ZNF224: variants seen among roughly 807,000 people sequenced by gnomAD.
The protein encoded by ZNF224 is zinc finger protein 224.
In ZNF224, 8 loss-of-function variants were observed where a neutral mutation model predicts 10.5. The ratio of observed to expected loss-of-function variants is 0.76; its 90% confidence interval spans 0.45 to 1.37. ZNF224 has a LOEUF of 1.37. Ranked by LOEUF, ZNF224 falls within the 40% of genes most tolerant of loss-of-function variation. The probability of loss-of-function intolerance (pLI) is 0.00; values close to 1 mark genes in which losing one functional copy is unlikely to be tolerated. For missense variants in ZNF224, 754 were observed against 854.0 expected (o/e 0.88, Z 1.46); for synonymous variants, 282 against 287.8 (o/e 0.98, Z 0.20).
At position 44,100,786 on chromosome 19, in the gene ZNF224, T is replaced by A. The variant is rs1246226895; in HGVS notation, c.16-15T>A. On this transcript the variant is annotated splice_polypyrimidine_tract_variant and intron_variant, in intron 3 of 5. Coordinates refer to ENST00000693561, the MANE Select transcript of ZNF224 (RefSeq NM_001321645.3). ...TTGGTCATGAGACTGAGATTGCATA[T>A]GTTTGATGCTATAGGAGGCAATGAC... 9 of 1,611,400 alleles carry A rather than the reference T, an allele frequency of 5.6e-6. No individual in the cohort carries two copies. Among genetic ancestry groups the A allele is most frequent in the Non-Finnish European group, 7.6e-6 (9 of 1,178,678 alleles).
rs72480796 is a variant in ZNF224 at position 44,106,690 on chromosome 19, C to A, written c.530C>A (p.Thr177Lys). The A allele has an allele frequency of 6.2e-7, 1 of 1,601,874 alleles. No individual in the cohort carries two copies. The highest frequency in any genetic ancestry group is 1.1e-5 in the South Asian group (1 of 88,704). The change falls in exon 6 of 6, where the codon ACG becomes AAG. Residue 177 changes from threonine to lysine, a missense_variant. Physicochemically the swap from Thr to Lys is moderately conservative, Grantham distance 78. Coordinates refer to ENST00000693561, the MANE Select transcript of ZNF224 (RefSeq NM_001321645.3). ...TTACACTCAGGAGAGAAATCTCATA[C>A]GTGTGATGAGTGTGGAAAGAACTTT... ...QQLHSGEKSH[T>K]CDECGKNFCY...
intron 2 of ZNF224, 50 bp from the exon 3 acceptor site, chr19:44,097,756 C>G: frequency 8.8e-7 from 1 of 1,133,054 alleles, no homozygotes; most frequent in Non-Finnish European, 1.3e-6. Context: ...GGGTGGCATC[C>G]CTGGCCACCT....
intron 1 of ZNF224, chr19:44,095,123 G>T: frequency 8.4e-6 from 2 of 238,656 alleles, no homozygotes; most frequent in South Asian, 7.2e-5. Context: ...AGAGCTGCAG[G>T]GAGGGACTTC....
At chr19:44,098,700 C>G (rs1239363583) in intron 3 of ZNF224, among the ~76,000 whole-genome samples, 1 of 152,074 alleles carries the variant, frequency 6.6e-6, no homozygotes, top group Admixed American at 6.5e-5. Flanking sequence ...TCTCCTGTCT[C>G]AGCCTCCTGA....
Position 44,097,897 on chromosome 19 carries a change from G to A in ZNF224, c.15+9G>A. ...AAATGACCACGTTCAAGGTGGGTAG[G>A]ACTTGCTTCTATTACTCTTAAAATT... is the stretch of plus-strand genomic sequence containing the variant. On this transcript the variant is annotated intron_variant, in intron 3 of 5. Coordinates refer to ENST00000693561, the MANE Select transcript of ZNF224 (RefSeq NM_001321645.3). 1 of 1,613,910 alleles carries A rather than the reference G, an allele frequency of 6.2e-7. No homozygotes were observed. The highest frequency in any genetic ancestry group is 8.5e-7 in the Non-Finnish European group (1 of 1,179,926).
At chr19:44,100,332 A>G (rs1006497860) in intron 3 of ZNF224, among the ~76,000 whole-genome samples, 3 of 152,332 alleles carry the variant, frequency 2.0e-5, no homozygotes, top group South Asian at 4.1e-4. Flanking sequence ...GACTCACTGC[A>G]TAACTACTCA....
chr19:44,094,443 C>T lies in ZNF224; in HGVS notation c.-245C>T, dbSNP rs531310556. ...TTGGGGCAGTTCCGCGCGTTGCAGGCCCTTCTGAATTTCCTGGACCTACGC... is the reference window on the plus strand; with the variant it reads ...TTGGGGCAGTTCCGCGCGTTGCAGGTCCTTCTGAATTTCCTGGACCTACGC... On this transcript the variant is annotated 5_prime_UTR_variant, in exon 1 of 6. Transcript: ENST00000693561. The T allele has an allele frequency of 1.1e-3, 166 of 152,334 alleles. No homozygotes were observed. Among genetic ancestry groups the T allele is most frequent in the Non-Finnish European group, 1.5e-3 (100 of 68,092 alleles). The allele number at this position is 152,334 out of a possible 1,614,324, so 9.4% of individuals were successfully genotyped here. A position where few individuals can be genotyped will look rare whatever the true frequency, so the allele number is the denominator to read the frequency against.
chr19:44,106,306 G>A (rs2147533010), intron 5 of ZNF224, 90 bp from the exon 6 acceptor site: 1 of 1,381,058 alleles, frequency 7.2e-7, no homozygotes. Context: ...CTATACTCAT[G>A]AGAGTTTCCT....
chr19:44,105,681 C>T (rs183725725), intron 5 of ZNF224: 1 of 152,336 alleles, frequency 6.6e-6, no homozygotes, highest in Non-Finnish European at 1.5e-5. Flanking sequence ...CCACCCTCCC[C>T]ATTTTGAGTC....
rs147406077 is a variant in ZNF224, at chr19:44,102,234, T to C, written c.235+1009T>C. 3.9e-3 allele frequency among the ~76,000 whole-genome samples: 588 copies of C among 152,320 alleles called. 2 individuals carry two copies. Among genetic ancestry groups the C allele is most frequent in the African/African-American group, 0.013 (551 of 41,572 alleles). On this transcript the variant is annotated intron_variant, in intron 5 of 5. Transcript: ENST00000693561. ...TTCAGTTATTCAAGTTTCTTTTCAG[T>C]TTTAAAGTCATGAGAGAAGCCATCC...
chr19:44,105,289 C>G (rs1967632713), intron 5 of ZNF224: 1 of 152,210 alleles, frequency 6.6e-6, no homozygotes, highest in Non-Finnish European at 1.5e-5. Context: ...AGGTTAATAT[C>G]TTTACTTTGT....
rs1239774430 is a variant in ZNF224 at position 44,108,011 on chromosome 19, C to A, written c.1851C>A (p.Arg617=). 1 of 1,614,180 alleles carries A rather than the reference C, an allele frequency of 6.2e-7. No individual in the cohort carries two copies. Among genetic ancestry groups the A allele is most frequent in the South Asian group, 1.1e-5 (1 of 91,084 alleles). The change falls in exon 6 of 6, where the codon CGC becomes CGA. Residue 617 remains arginine, a synonymous_variant. Transcript: ENST00000693561. ...WSSTRLTHQR[R]HSRETPLKCE... ...CAACTCGTCTGACCCATCAGAGACG[C>A]CACAGCAGAGAAACACCTCTCAAAT...
chr19:44,104,233 T>C (rs1333041714), intron 5 of ZNF224, among the ~76,000 whole-genome samples: 1 of 141,258 alleles, frequency 7.1e-6, no homozygotes, highest in African/African-American at 2.6e-5. Flanking sequence ...AAAATAAAAT[T>C]AAAGATACAT....
At chr19:44,103,598 T>C (rs1446320239) in intron 5 of ZNF224, among the ~76,000 whole-genome samples, 4 of 152,230 alleles carry the variant, frequency 2.6e-5, no homozygotes, top group Non-Finnish European at 5.9e-5. Context: ...TTTAAATTTA[T>C]TTTATAGCTC....
Position 44,106,407 on chromosome 19 carries a change from C to G in ZNF224, c.247C>G (p.Gln83Glu). The stretch of plus-strand genomic sequence containing the variant: ...CTGTATTCTGATAGGAGACAAGATC[C>G]AAACTGAGATGGAGACTGTTTCAGA... ...QREGNSGDKIQTEMETVSEAG... is the reference protein window; with the variant it reads ...QREGNSGDKIETEMETVSEAG... The change falls in exon 6 of 6, where the codon CAA (glutamine) becomes GAA (glutamate). Residue 83 changes from glutamine to glutamate, a missense_variant. Transcript: ENST00000693561. 1 of 1,614,068 alleles carries G rather than the reference C, an allele frequency of 6.2e-7. No homozygotes were observed. The highest frequency in any genetic ancestry group is 8.5e-7 in the Non-Finnish European group (1 of 1,180,008).
Position 44,106,476 on chromosome 19 carries a change from A to C in ZNF224, c.316A>C (p.Lys106Gln), listed in dbSNP as rs200433506. ...QEWSFQQIWE[K>Q]IASDLTRSQD... is the part of the protein sequence containing the mutation. ...GTGGTCCTTCCAGCAAATCTGGGAAAAAATTGCAAGTGATTTAACCAGGTC... is the reference window on the plus strand; with the variant it reads ...GTGGTCCTTCCAGCAAATCTGGGAACAAATTGCAAGTGATTTAACCAGGTC... The change falls in exon 6 of 6, where the codon AAA becomes CAA. Residue 106 changes from lysine to glutamine, a missense_variant. Physicochemically the swap from Lys to Gln is moderately conservative, Grantham distance 53. Coordinates refer to ENST00000693561, the MANE Select transcript of ZNF224 (RefSeq NM_001321645.3). 22 of 1,614,086 alleles carry C rather than the reference A, an allele frequency of 1.4e-5. No individual in the cohort carries two copies. Among genetic ancestry groups the C allele is most frequent in the Middle Eastern group, 1.6e-4 (1 of 6,084 alleles).
chr19:44,105,338 A>C (rs1297985215), intron 5 of ZNF224: 1 of 152,202 alleles, frequency 6.6e-6, no homozygotes, highest in Non-Finnish European at 1.5e-5. Flanking sequence ...CCAAGTCTTG[A>C]TTATATTACT....
chr19:44,105,416 T>C (rs1306283872), intron 5 of ZNF224: 1 of 152,244 alleles, frequency 6.6e-6, no homozygotes, highest in Non-Finnish European at 1.5e-5. Context: ...TAATTTACCA[T>C]GCAAGATTTT....
At chr19:44,100,767 A>C in intron 3 of ZNF224, 34 bp from the exon 4 acceptor site, 1 of 1,604,460 alleles carries the variant, frequency 6.2e-7, no homozygotes, top group African/African-American at 1.3e-5. Flanking sequence ...ATCATTGGTC[A>C]TGAGACTGAG....
Sources: gnomAD v4.1 joint callset for allele counts (sites outside exome capture counted in the v4.1 genomes callset) on GRCh38, gnomAD v4.1.1 for gene constraint, MANE v1.5 for transcripts, NCBI Gene and HGNC (gene_info 2026-07-23, HGNC 2026-07-21) for gene names.